Variants in KLRG1 observed in about 807,000 individuals in gnomAD.
KLRG1 encodes the protein killer cell lectin-like receptor subfamily G member 1.
In KLRG1, 16 loss-of-function variants were observed where a neutral mutation model predicts 21.8. The observed-to-expected ratio is 0.73, with a 90% confidence interval of 0.50 to 1.11. The LOEUF is 1.11. KLRG1 is among the 50% of genes most tolerant of loss of function. KLRG1 has a pLI of 0.00. For missense variants in KLRG1, 173 were observed against 218.3 expected (o/e 0.79, Z 1.31); for synonymous variants, 69 against 75.9 (o/e 0.91, Z 0.47).
the KLRG1 span, among the ~76,000 whole-genome samples, chr12:9,039,557 T>C: frequency 6.6e-6 from 1 of 152,214 alleles, no homozygotes; most frequent in Non-Finnish European, 1.5e-5. Context: ...CACATTATTC[T>C]CATTATCTCA....
chr12:8,989,558 G>A lies in KLRG1; in HGVS notation c.-78G>A. The stretch of plus-strand genomic sequence containing the variant: ...CTGCTAGCAGTTTAGAGATTGGGCT[G>A]TTTCCTCACTGATACATATCCCTTC... On this transcript the variant is annotated 5_prime_UTR_variant, in exon 1 of 5. Transcript: ENST00000356986. The A allele has an allele frequency of 2.2e-6, 2 of 894,502 alleles. No individual in the cohort carries two copies. Among genetic ancestry groups the A allele is most frequent in the Non-Finnish European group, 3.6e-6 (2 of 561,548 alleles). The allele number at this position is 894,502 out of a possible 1,614,324, so 55.4% of individuals were successfully genotyped here.
chr12:9,046,634 A>G, the KLRG1 span, among the ~76,000 whole-genome samples: 10 of 152,334 alleles, frequency 6.6e-5, no homozygotes, highest in South Asian at 4.1e-4. Context: ...AAAAGTCACC[A>G]ACCTAGAATT....
chr12:9,106,470 A>G, the KLRG1 span: 1 of 1,503,846 alleles, frequency 6.6e-7, no homozygotes, highest in Non-Finnish European at 9.2e-7. Flanking sequence ...GTTTTCTCTT[A>G]TACCCATGTA....
the KLRG1 span, among the ~76,000 whole-genome samples, chr12:9,044,280 C>T: frequency 4.6e-5 from 7 of 151,934 alleles, no homozygotes; most frequent in Admixed American, 4.6e-4. Context: ...AAAAGAAATC[C>T]CAATGGCTAG....
the KLRG1 span, among the ~76,000 whole-genome samples, chr12:9,209,177 C>T: frequency 2.6e-5 from 4 of 152,004 alleles, no homozygotes; most frequent in African/African-American, 9.7e-5. Context: ...CACATATAAA[C>T]CACCAGCAGA....
At chr12:9,183,098 A>G in the KLRG1 span, among the ~76,000 whole-genome samples, 1 of 152,320 alleles carries the variant, frequency 6.6e-6, no homozygotes, top group African/African-American at 2.4e-5. Flanking sequence ...AAGAACTATA[A>G]TTGATTTTAT....
intron 1 of KLRG1, among the ~76,000 whole-genome samples, chr12:8,983,210 T>G (rs1946784323): frequency 6.6e-6 from 1 of 152,102 alleles, no homozygotes; most frequent in African/African-American, 2.4e-5. Context: ...GTTTTCTGTA[T>G]ATCTATGTTT....
the KLRG1 span, among the ~76,000 whole-genome samples, chr12:9,023,390 G>A: frequency 2.0e-5 from 3 of 151,672 alleles, no homozygotes; most frequent in African/African-American, 7.3e-5. Context: ...AGATTTTGGT[G>A]TTTTTTTTCC....
At chr12:9,029,025 C>G in the KLRG1 span, 8 of 580,594 alleles carry the variant, frequency 1.4e-5, no homozygotes, top group Admixed American at 2.1e-5. Flanking sequence ...TGTTTCAAAG[C>G]TCAACCATCC....
At chr12:9,146,261 G>T in the KLRG1 span, among the ~76,000 whole-genome samples, 1 of 150,906 alleles carries the variant, frequency 6.6e-6, no homozygotes, top group African/African-American at 2.4e-5. Context: ...CCAATGACTG[G>T]TGTTCAAATT....
At chr12:8,991,863 G>T (rs142653506) in intron 1 of KLRG1, among the ~76,000 whole-genome samples, 372 of 152,128 alleles carry the variant, frequency 2.4e-3, no homozygotes, top group African/African-American at 8.4e-3. Flanking sequence ...TAGGTCAAAG[G>T]GTACATGCCT....
the KLRG1 span, among the ~76,000 whole-genome samples, chr12:9,103,471 A>T: frequency 6.6e-6 from 1 of 152,174 alleles, no homozygotes; most frequent in Non-Finnish European, 1.5e-5. Context: ...TTTAGTGTAC[A>T]GTTTGGTAGT....
chr12:8,988,165 CT>C (rs1478239114), upstream of KLRG1: 1 of 152,286 alleles, frequency 6.6e-6, no homozygotes, highest in Non-Finnish European at 1.5e-5. Flanking sequence ...TTATCCTGCC[CT>C]GCAAATTCCA....
chr12:8,986,768 G>A (rs1475371510), upstream of KLRG1, among the ~76,000 whole-genome samples: 2 of 152,164 alleles, frequency 1.3e-5, no homozygotes, highest in African/African-American at 4.8e-5. Flanking sequence ...AATCTCCAGT[G>A]TTGGAGATGG....
chr12:9,196,211 A>T, the KLRG1 span: 1 of 599,264 alleles, frequency 1.7e-6, no homozygotes, highest in Middle Eastern at 4.0e-4. Flanking sequence ...CCTTGGTTTC[A>T]TGGTTTTTGG....
the KLRG1 span, among the ~76,000 whole-genome samples, chr12:9,199,429 A>T: frequency 1.3e-5 from 2 of 152,078 alleles, no homozygotes; most frequent in Non-Finnish European, 2.9e-5. Context: ...TGGGGGAGAG[A>T]TTATTTCAGG....
the KLRG1 span, among the ~76,000 whole-genome samples, chr12:9,198,683 A>G: frequency 6.6e-6 from 1 of 152,204 alleles, no homozygotes; most frequent in African/African-American, 2.4e-5. Flanking sequence ...GGGTAACAGA[A>G]TAATACACAA....
At chr12:9,017,775 C>T in the KLRG1 span, among the ~76,000 whole-genome samples, 1,285 of 152,100 alleles carry the variant, frequency 8.4e-3, 6 homozygotes, top group Non-Finnish European at 0.013. Flanking sequence ...AGCAATCAGA[C>T]AAGAGAAAGG....
chr12:8,961,702 G>A (rs1946384714), intron 1 of KLRG1, among the ~76,000 whole-genome samples: 1 of 152,098 alleles, frequency 6.6e-6, no homozygotes, highest in Non-Finnish European at 1.5e-5. Flanking sequence ...ACAGGTGTGA[G>A]CTACTGCCCA....
Sources: gnomAD v4.1 joint callset for allele counts (sites outside exome capture counted in the v4.1 genomes callset) on GRCh38, gnomAD v4.1.1 for gene constraint, MANE v1.5 for transcripts, NCBI Gene and HGNC (gene_info 2026-07-23, HGNC 2026-07-21) for gene names.